Variants in XKR6 observed in about 807,000 individuals in gnomAD.
The protein encoded by XKR6 is XK-related protein 6.
Under a neutral mutation model 56.7 loss-of-function variants are expected in XKR6, and 22 were observed. The observed-to-expected ratio is 0.39, with a 90% CI of 0.28 to 0.55. XKR6 has a LOEUF of 0.55. Ranked by LOEUF, XKR6 falls within the 20% of genes least tolerant of loss-of-function variation. The probability of loss-of-function intolerance (pLI) is 0.66; values close to 1 mark genes in which losing one functional copy is unlikely to be tolerated. For synonymous variants in XKR6, 524 were observed against 387.8 expected, an observed-to-expected ratio of 1.35 and a Z score of -4.13; for missense variants, 852 against 889.0, an observed-to-expected ratio of 0.96 and a Z score of 0.53.
chr8:11,156,878 G>A (rs1015680777), intron 1 of XKR6, among the ~76,000 whole-genome samples: 1 of 152,018 alleles, frequency 6.6e-6, no homozygotes, highest in Non-Finnish European at 1.5e-5. Flanking sequence ...TTCAGGGTAG[G>A]CTACACTTAG....
chr8:10,920,433 C>G (rs912291599), intron 2 of XKR6, among the ~76,000 whole-genome samples: 4 of 152,246 alleles, frequency 2.6e-5, no homozygotes, highest in Non-Finnish European at 4.4e-5. Flanking sequence ...TGCCTAATGT[C>G]AAACAACTGT....
At chr8:11,120,572 G>A (rs1292318707) in intron 1 of XKR6, among the ~76,000 whole-genome samples, 2 of 152,102 alleles carry the variant, frequency 1.3e-5, no homozygotes, top group African/African-American at 4.8e-5. Flanking sequence ...CCATGCTCAT[G>A]GGTAGGAAGA....
At chr8:11,135,917 TAAA>T (rs1563164219) in intron 1 of XKR6, among the ~76,000 whole-genome samples, 1 of 152,132 alleles carries the variant, frequency 6.6e-6, no homozygotes, top group Non-Finnish European at 1.5e-5. Flanking sequence ...AAAAACCACT[TAAA>T]AAGGCTGATA....
At position 11,023,613 on chromosome 8, in the gene XKR6, TGAG is replaced by T. The variant is rs377384805; in HGVS notation, c.765-98786_765-98784del. ...TATCTTAGAATCTGTGGGGGCCACT[TGAG>T]GAGGAGCTGGTGAGAGGTGGCATAA... On this transcript the variant is annotated intron_variant, in intron 1 of 2. Transcript: ENST00000416569. Among the ~76,000 whole-genome samples the T allele has an allele frequency of 4.0e-4, 61 of 152,284 alleles. No homozygotes were observed. In the East Asian group the frequency reaches 0.01, roughly 26 times the overall value.
At chr8:11,016,575 C>A (rs532391251) in intron 1 of XKR6, among the ~76,000 whole-genome samples, 173 of 152,350 alleles carry the variant, frequency 1.1e-3, no homozygotes, top group African/African-American at 4.0e-3. Context: ...GTCCGCGCCC[C>A]GACAGCGCCG....
intron 1 of XKR6, among the ~76,000 whole-genome samples, chr8:11,087,461 T>C (rs548437444): frequency 2.6e-5 from 4 of 152,190 alleles, no homozygotes; most frequent in African/African-American, 9.6e-5. Flanking sequence ...AGCAACGTGA[T>C]GAAGTTTGGC....
intron 2 of XKR6, among the ~76,000 whole-genome samples, chr8:10,911,639 T>C (rs984704019): frequency 6.8e-6 from 1 of 146,344 alleles, no homozygotes; most frequent in Non-Finnish European, 1.5e-5. Flanking sequence ...GGGGTGAGTA[T>C]ATATATATAG....
intron 1 of XKR6, among the ~76,000 whole-genome samples, chr8:11,040,970 C>G (rs1799272470): frequency 6.6e-6 from 1 of 152,096 alleles, no homozygotes; most frequent in South Asian, 2.1e-4. Context: ...GATACTGAAG[C>G]AAATGCTTTG....
At chr8:11,165,944 T>C (rs1184124047) in intron 1 of XKR6, among the ~76,000 whole-genome samples, 1 of 150,990 alleles carries the variant, frequency 6.6e-6, no homozygotes, top group Non-Finnish European at 1.5e-5. Context: ...TATATATATA[T>C]ATATAGTTTT....
intron 1 of XKR6, among the ~76,000 whole-genome samples, chr8:11,141,461 G>A (rs1409380122): frequency 6.6e-6 from 1 of 152,194 alleles, no homozygotes; most frequent in Admixed American, 6.5e-5. Context: ...AGGATTCTCA[G>A]TGTAGAAAAA....
intron 1 of XKR6, among the ~76,000 whole-genome samples, chr8:11,152,023 A>T (rs1283038404): frequency 6.6e-6 from 1 of 152,162 alleles, no homozygotes; most frequent in Non-Finnish European, 1.5e-5. Context: ...TAATCACCAA[A>T]CTTATTAACA....
At chr8:11,041,580 G>A (rs1033257380) in intron 1 of XKR6, among the ~76,000 whole-genome samples, 1 of 151,752 alleles carries the variant, frequency 6.6e-6, no homozygotes, top group Non-Finnish European at 1.5e-5. Flanking sequence ...ATCAACTTAG[G>A]TTTTGGGAAT....
At chr8:10,989,046 A>T (rs556170699) in intron 1 of XKR6, among the ~76,000 whole-genome samples, 1 of 152,316 alleles carries the variant, frequency 6.6e-6, no homozygotes, top group East Asian at 1.9e-4. Flanking sequence ...CTACATGCTT[A>T]TGTTGACTCA....
chr8:11,148,299 T>C (rs1022806623), intron 1 of XKR6, among the ~76,000 whole-genome samples: 1 of 151,980 alleles, frequency 6.6e-6, no homozygotes, highest in African/African-American at 2.4e-5. Flanking sequence ...CTTATAATAA[T>C]AGGAAATTTG....
chr8:10,912,062 G>A (rs11780934), intron 2 of XKR6, among the ~76,000 whole-genome samples: 1 of 148,986 alleles, frequency 6.7e-6, no homozygotes, highest in Non-Finnish European at 1.5e-5. Context: ...GCAGAGAAAG[G>A]ACGTGTATAC....
At chr8:11,171,783 T>C (rs139437893) in intron 1 of XKR6, among the ~76,000 whole-genome samples, 166 of 152,226 alleles carry the variant, frequency 1.1e-3, no homozygotes, top group Middle Eastern at 3.4e-3. Flanking sequence ...CCAGGTGCAG[T>C]GACTCACGCC....
chr8:11,035,046 TG>T (rs1799103542), intron 1 of XKR6, among the ~76,000 whole-genome samples: 1 of 152,234 alleles, frequency 6.6e-6, no homozygotes, highest in Admixed American at 6.5e-5. Context: ...AGTGTGACCC[TG>T]GGCCAGTTAC....
intron 1 of XKR6, among the ~76,000 whole-genome samples, chr8:10,992,265 T>C (rs7462831): frequency 4.9e-4 from 71 of 144,946 alleles, no homozygotes; most frequent in Non-Finnish European, 1.9e-4. Context: ...TCTCTCTCTG[T>C]CTCTCTGTCT....
In XKR6 at chr8:11,144,689, T is replaced by TAGCA. The variant is rs1215555099; in HGVS notation, c.764+55883_764+55886dup. Among the ~76,000 whole-genome samples the TAGCA allele has an allele frequency of 2.0e-5, 3 of 152,068 alleles. No homozygotes were observed. In the South Asian group the frequency reaches 6.2e-4, roughly 32 times the overall value. On this transcript the variant is annotated intron_variant, in intron 1 of 2. Coordinates refer to ENST00000416569, the MANE Select transcript of XKR6 (RefSeq NM_173683.4). ...ACCCAAGTATAGGGTGAGGGCAAAG[T>TAGCA]AGCAAGCCGCCAAGCTCCTTCCTTC...
Sources: gnomAD v4.1 joint callset for allele counts (sites outside exome capture counted in the v4.1 genomes callset) on GRCh38, gnomAD v4.1.1 for gene constraint, MANE v1.5 for transcripts, NCBI Gene and HGNC (gene_info 2026-07-23, HGNC 2026-07-21) for gene names.